MDFI: variants seen among roughly 807,000 people sequenced by gnomAD.
MDFI encodes the protein inhibitor of MyoD family a.
MDFI carries 16 observed loss-of-function variants against 22.3 expected under a neutral mutation model. That is an observed-to-expected ratio of 0.72 (90% CI 0.49 to 1.09). The LOEUF is 1.09. MDFI is among the 50% of genes least tolerant of loss of function. The pLI is 0.00. For missense variants in MDFI, 314 were observed against 326.1 expected (o/e 0.96, Z 0.29); for synonymous variants, 145 against 142.7 (o/e 1.02, Z -0.12).
chr6:41,648,340 C>A (rs1160846080), intron 3 of MDFI, among the ~76,000 whole-genome samples: 1 of 152,144 alleles, frequency 6.6e-6, no homozygotes, highest in Non-Finnish European at 1.5e-5. Context: ...GACTCAGTTT[C>A]CTCATCAGTA....
chr6:41,643,261 G>C (rs1767915531), intron 2 of MDFI, among the ~76,000 whole-genome samples: 1 of 152,152 alleles, frequency 6.6e-6, no homozygotes, highest in Non-Finnish European at 1.5e-5. Context: ...TCAAGACTCA[G>C]TGTGAGTACT....
intron 4 of MDFI, among the ~76,000 whole-genome samples, chr6:41,651,849 G>A (rs1469680280): frequency 6.6e-6 from 1 of 152,192 alleles, no homozygotes; most frequent in African/African-American, 2.4e-5. Context: ...TCAAGTCCCA[G>A]CTCCACCACC....
intron 2 of MDFI, chr6:41,639,133 T>A: frequency 1.5e-6 from 1 of 682,758 alleles, no homozygotes; most frequent in Non-Finnish European, 1.8e-6. Context: ...TGTCTGTCCG[T>A]CTGGGATTTG....
chr6:41,654,084 G>A lies in MDFI; in HGVS notation c.*509G>A. The A allele has an allele frequency of 5.3e-6, 1 of 189,424 alleles. No homozygotes were observed. Among genetic ancestry groups the A allele is most frequent in the South Asian group, 1.1e-4 (1 of 8,872 alleles). The allele number at this position is 189,424 out of a possible 1,614,324, so 11.7% of individuals were successfully genotyped here. A position where few individuals can be genotyped will look rare whatever the true frequency, so the allele number is the denominator to read the frequency against. ...AGTCTCCTTTCCTAGGCTTTTTTGG[G>A]GGCCTAACCCACGCAGTGACCCCAG... On this transcript the variant is annotated 3_prime_UTR_variant, in exon 5 of 5. Coordinates refer to ENST00000230321, the MANE Select transcript of MDFI (RefSeq NM_005586.4).
intron 2 of MDFI, among the ~76,000 whole-genome samples, chr6:41,641,287 A>G (rs147350733): frequency 7.9e-5 from 12 of 152,326 alleles, no homozygotes; most frequent in African/African-American, 2.6e-4. Flanking sequence ...AGAAGCCGGG[A>G]TTTCACTAGC....
chr6:41,653,691 C>A lies in MDFI; in HGVS notation c.*116C>A. Reference sequence around the variant, plus strand: ...GCTTGAGAAGCCCCCTCTCCCTGGTCCTCTCCTACCCACCCATGTCCTCTC... The same window carrying A: ...GCTTGAGAAGCCCCCTCTCCCTGGTACTCTCCTACCCACCCATGTCCTCTC... On this transcript the variant is annotated 3_prime_UTR_variant, in exon 5 of 5. Transcript: ENST00000230321. The surrounding 1 kb of genome is among the most constrained non-coding windows in gnomAD (Gnocchi z 4.2). The A allele has an allele frequency of 7.6e-7, 1 of 1,310,016 alleles. No individual in the cohort carries two copies. Among genetic ancestry groups the A allele is most frequent in the Non-Finnish European group, 1.0e-6 (1 of 954,630 alleles). The allele number at this position is 1,310,016 out of a possible 1,614,324, so 81.1% of individuals were successfully genotyped here.
chr6:41,641,030 GT>G (rs1267872839), intron 2 of MDFI, among the ~76,000 whole-genome samples: 1 of 152,244 alleles, frequency 6.6e-6, no homozygotes, highest in Non-Finnish European at 1.5e-5. Context: ...GCCTGGGAGT[GT>G]GACCATTGGA....
rs1411001428 is a variant in MDFI, at chr6:41,638,760, T to G, written c.11T>G (p.Val4Gly). 2.5e-6 allele frequency: 4 copies of G among 1,569,344 alleles called. No individual in the cohort carries two copies. Among genetic ancestry groups the G allele is most frequent in the Non-Finnish European group, 3.4e-6 (4 of 1,163,324 alleles). MYQ[V>G]SGQRPSGCDA... is the part of the protein sequence containing the mutation. ...GCAGGTCCGGGGCCGATGTACCAGGTGAGCGGCCAGCGCCCCTCTGGCTGC... is the reference window on the plus strand; with the variant it reads ...GCAGGTCCGGGGCCGATGTACCAGGGGAGCGGCCAGCGCCCCTCTGGCTGC... Residue 4 changes from valine (V) to glycine (G), a missense_variant, in exon 2 of 5, where the codon GTG (valine) becomes GGG (glycine). Physicochemically the swap from Val to Gly is moderately radical, Grantham distance 109. Coordinates refer to ENST00000230321, the MANE Select transcript of MDFI (RefSeq NM_005586.4). The surrounding 1 kb of genome is among the most constrained non-coding windows in gnomAD (Gnocchi z 7.6).
At chr6:41,646,069 C>G in intron 2 of MDFI, 57 bp from the exon 3 acceptor site, 1 of 1,393,986 alleles carries the variant, frequency 7.2e-7, no homozygotes, top group African/African-American at 1.5e-5. Flanking sequence ...GGGCCCACGG[C>G]TGGGCAAACA....
intron 2 of MDFI, among the ~76,000 whole-genome samples, chr6:41,644,371 A>G (rs1000018861): frequency 3.9e-5 from 6 of 152,056 alleles, no homozygotes; most frequent in African/African-American, 1.2e-4. Context: ...CTCCCTCCCC[A>G]TTGCCCCAGC....
In MDFI at chr6:41,638,620, C is replaced by T. The variant is rs1329929909; in HGVS notation, c.-44C>T. ...GCATGGCGGGCCCCGCGCGGGGATC[C>T]GGCTGGAAGAGAGCGTAGCACGGCT... On this transcript the variant is annotated 5_prime_UTR_variant, in exon 1 of 5. Coordinates refer to ENST00000230321, the MANE Select transcript of MDFI (RefSeq NM_005586.4). The surrounding 1 kb of genome is among the most constrained non-coding windows in gnomAD (Gnocchi z 7.6). 1.8e-6 allele frequency: 2 copies of T among 1,112,040 alleles called. No individual in the cohort carries two copies. Among genetic ancestry groups the T allele is most frequent in the African/African-American group, 1.6e-5 (1 of 60,666 alleles). The allele number at this position is 1,112,040 out of a possible 1,614,324, so 68.9% of individuals were successfully genotyped here.
In MDFI at chr6:41,653,223, GC is replaced by G; in HGVS notation, c.485-95del. The G allele has an allele frequency of 7.8e-7, 1 of 1,275,122 alleles. No homozygotes were observed. Among genetic ancestry groups the G allele is most frequent in the Non-Finnish European group, 1.1e-6 (1 of 899,332 alleles). 79.0% of individuals were successfully genotyped at this position (1,275,122 alleles called of 1,614,324 possible). A position where few individuals can be genotyped will look rare whatever the true frequency, so the allele number is the denominator to read the frequency against. On this transcript the variant is annotated intron_variant, in intron 4 of 4. Coordinates refer to ENST00000230321, the MANE Select transcript of MDFI (RefSeq NM_005586.4). The surrounding 1 kb of genome is among the most constrained non-coding windows in gnomAD (Gnocchi z 4.2). ...ACAGTGAACACTCAGCGTCCCTGCT[GC>G]TGCCGCTGCCGCAGGCCCCCACACC...
At chr6:41,639,264 C>T (rs1767759171) in intron 2 of MDFI, 1 of 985,254 alleles carries the variant, frequency 1.0e-6, no homozygotes, top group Admixed American at 6.1e-5. Context: ...CAGCGCTTCC[C>T]GAAAACTTTT....
intron 2 of MDFI, among the ~76,000 whole-genome samples, chr6:41,644,273 C>A (rs991271669): frequency 2.0e-5 from 3 of 152,186 alleles, no homozygotes; most frequent in Non-Finnish European, 4.4e-5. Context: ...GAAAGGAACC[C>A]ACCCCTGCCT....
At chr6:41,641,012 G>A (rs370808635) in intron 2 of MDFI, among the ~76,000 whole-genome samples, 1 of 152,216 alleles carries the variant, frequency 6.6e-6, no homozygotes, top group African/African-American at 2.4e-5. Flanking sequence ...TTAGTTTTCA[G>A]CTTGGTGGCC....
Position 41,640,396 on chromosome 6 carries a change from C to T in MDFI, c.76+1571C>T, listed in dbSNP as rs118117563. Among the ~76,000 whole-genome samples the T allele has an allele frequency of 1.1e-3, 161 of 152,272 alleles. 1 individual carries two copies. In the East Asian group the frequency reaches 0.029, roughly 27 times the overall value. On this transcript the variant is annotated intron_variant, in intron 2 of 4. Transcript: ENST00000230321. ...GCTAACTGCACACAACCGGGGCCAG[C>T]GTGGGCAACTGGGAGGGTTAAGCTC...
chr6:41,651,929 G>A (rs1482738106), intron 4 of MDFI, among the ~76,000 whole-genome samples: 14 of 152,300 alleles, frequency 9.2e-5, no homozygotes, highest in Non-Finnish European at 1.8e-4. Flanking sequence ...TGTGTCTGGC[G>A]CTGTTCTAGG....
chr6:41,639,134 C>G (rs1767752161), intron 2 of MDFI: 3 of 693,126 alleles, frequency 4.3e-6, no homozygotes, highest in Non-Finnish European at 5.3e-6. Context: ...GTCTGTCCGT[C>G]TGGGATTTGT....
At chr6:41,640,711 C>T (rs1257202115) in intron 2 of MDFI, among the ~76,000 whole-genome samples, 1 of 152,236 alleles carries the variant, frequency 6.6e-6, no homozygotes, top group Non-Finnish European at 1.5e-5. Context: ...GCAAGTCGGC[C>T]TCCTCCCTCA....
Sources: allele counts gnomAD v4.1 joint callset (sites outside exome capture counted in the v4.1 genomes callset), GRCh38; gene constraint gnomAD v4.1.1; non-coding constraint Gnocchi (gnomAD v3.1); transcripts MANE v1.5; gene names NCBI Gene and HGNC (gene_info 2026-07-23, HGNC 2026-07-21).